CNTNAP2: variants seen among roughly 807,000 people sequenced by gnomAD.
The protein encoded by CNTNAP2 is contactin-associated protein-like 2.
CNTNAP2 carries 98 observed loss-of-function variants against 155.2 expected under a neutral mutation model. The observed-to-expected ratio is 0.63, with a 90% CI of 0.54 to 0.75. CNTNAP2 has a LOEUF of 0.75. CNTNAP2 is among the 30% of genes least tolerant of loss of function. The pLI is 0.00. For synonymous variants in CNTNAP2, 651 were observed against 631.2 expected (o/e 1.03, Z -0.47); for missense variants, 1,727 against 1,688.1 (o/e 1.02, Z -0.40).
rs534784035 is a variant in CNTNAP2, at chr7:148,085,590, G to A, written c.2384-32528G>A. Among the ~76,000 whole-genome samples, 8 of 152,240 alleles carry A rather than the reference G, an allele frequency of 5.3e-5. No individual in the cohort carries two copies. The South Asian group carries it at 1.2e-3, about 24-fold the overall frequency. ...ATTATTAGTTAGTACCGTGATTTCT[G>A]AACTTTTAATCAAATTTTCATTCAT... is the stretch of plus-strand genomic sequence containing the variant. On this transcript the variant is annotated intron_variant, in intron 15 of 23. Coordinates refer to ENST00000361727, the MANE Select transcript of CNTNAP2 (RefSeq NM_014141.6).
intron 9 of CNTNAP2, among the ~76,000 whole-genome samples, chr7:147,360,489 T>C (rs1048571055): frequency 6.6e-6 from 1 of 152,204 alleles, no homozygotes; most frequent in African/African-American, 2.4e-5. Context: ...TCAATATTTA[T>C]TGTGCATCTG....
chr7:147,213,571 CA>C (rs5888241), intron 8 of CNTNAP2, among the ~76,000 whole-genome samples: 17,851 of 139,852 alleles, frequency 0.13, 1,118 homozygotes, highest in African/African-American at 0.17. Context: ...GCCCTCATCG[CA>C]AAAAAAAAAA....
Position 146,502,224 on chromosome 7 carries a change from AATATATATATATATATATATAT to A in CNTNAP2, c.98-272032_98-272011del, listed in dbSNP as rs59759183. 6.4e-4 allele frequency among the ~76,000 whole-genome samples: 61 copies of A among 94,810 alleles called. 1 individual carries two copies. The highest frequency in any genetic ancestry group is 2.2e-3 in the African/African-American group (50 of 22,742). 62.2% of individuals were successfully genotyped at this position (94,810 alleles called of 152,430 possible). On this transcript the variant is annotated intron_variant, in intron 1 of 23. Transcript: ENST00000361727. ...ATTCCATTGTGTGTGTATATATATG[AATATATATATATATATATATAT>A]ATATATATATATATGTCATATTTTC... is the stretch of plus-strand genomic sequence containing the variant.
At chr7:147,643,680 T>G (rs990812520) in intron 13 of CNTNAP2, among the ~76,000 whole-genome samples, 3 of 152,200 alleles carry the variant, frequency 2.0e-5, no homozygotes, top group African/African-American at 7.2e-5. Context: ...ATATTCATTA[T>G]AGTGATTGCA....
chr7:148,000,012 G>A (rs1198594811), intron 15 of CNTNAP2, among the ~76,000 whole-genome samples: 1 of 152,172 alleles, frequency 6.6e-6, no homozygotes, highest in African/African-American at 2.4e-5. Context: ...AGTAGCCTGA[G>A]GAGCCTAATA....
chr7:147,189,606 C>A (rs1802637173), intron 8 of CNTNAP2, among the ~76,000 whole-genome samples: 1 of 152,128 alleles, frequency 6.6e-6, no homozygotes, highest in African/African-American at 2.4e-5. Flanking sequence ...CATCTGTATG[C>A]ATACATTTAT....
intron 13 of CNTNAP2, among the ~76,000 whole-genome samples, chr7:147,882,118 A>C (rs569302112): frequency 1.3e-5 from 2 of 152,226 alleles, no homozygotes; most frequent in East Asian, 3.9e-4. Flanking sequence ...ATATAATCCA[A>C]TTAGGTCACT....
chr7:147,154,483 T>G (rs2116439174), intron 8 of CNTNAP2, among the ~76,000 whole-genome samples: 1 of 152,340 alleles, frequency 6.6e-6, no homozygotes, highest in South Asian at 2.1e-4. Flanking sequence ...ATTTTAAACT[T>G]ACTTGTTTAT....
At chr7:146,901,756 A>G (rs1371320254) in intron 3 of CNTNAP2, among the ~76,000 whole-genome samples, 2 of 152,062 alleles carry the variant, frequency 1.3e-5, no homozygotes, top group Non-Finnish European at 2.9e-5. Flanking sequence ...TCTGAAAAAA[A>G]TTATTTTTGC....
rs139520948 is a variant in CNTNAP2, at chr7:147,196,597, C to T, written c.1348+64088C>T. Among the ~76,000 whole-genome samples, 378 of 152,274 alleles carry T rather than the reference C, an allele frequency of 2.5e-3. 1 individual carries two copies. The highest frequency in any genetic ancestry group is 8.7e-3 in the African/African-American group (360 of 41,542). The stretch of plus-strand genomic sequence containing the variant: ...TTCTTGAGTGAAGAGTGCAAACATG[C>T]ATCCCTGCCTGAACACAAAGGAATA... On this transcript the variant is annotated intron_variant, in intron 8 of 23. Coordinates refer to ENST00000361727, the MANE Select transcript of CNTNAP2 (RefSeq NM_014141.6).
At position 146,121,119 on chromosome 7, in the gene CNTNAP2, CTTTTTTTT is replaced by C. The variant is rs745449281; in HGVS notation, c.97+4166_97+4173del. The stretch of plus-strand genomic sequence containing the variant: ...TGTCTTAAAGTTTACATAAAGCTTC[CTTTTTTTT>C]TTTTTTTTTTTTTTTTTTTGAGACG... On this transcript the variant is annotated intron_variant, in intron 1 of 23. Coordinates refer to ENST00000361727, the MANE Select transcript of CNTNAP2 (RefSeq NM_014141.6). 8.2e-4 allele frequency among the ~76,000 whole-genome samples: 54 copies of C among 65,780 alleles called. No homozygotes were observed. The East Asian group carries it at 0.014, about 17-fold the overall frequency. 43.2% of individuals were successfully genotyped at this position (65,780 alleles called of 152,430 possible). A position where few individuals can be genotyped will look rare whatever the true frequency, so the allele number is the denominator to read the frequency against.
intron 12 of CNTNAP2, among the ~76,000 whole-genome samples, chr7:147,584,487 C>T (rs940858737): frequency 3.3e-5 from 5 of 152,128 alleles, no homozygotes; most frequent in African/African-American, 1.2e-4. Flanking sequence ...GTAATATTTT[C>T]AAATTCTGTC....
intron 13 of CNTNAP2, among the ~76,000 whole-genome samples, chr7:147,861,948 G>A (rs6954613): frequency 0.6 from 88,409 of 146,754 alleles, 26,675 homozygotes; most frequent in Middle Eastern, 0.7. Context: ...CAGTGAGCCA[G>A]GATCGTGCCA....
chr7:146,969,615 C>T (rs531515081), intron 3 of CNTNAP2, among the ~76,000 whole-genome samples: 1 of 150,176 alleles, frequency 6.7e-6, no homozygotes, highest in African/African-American at 2.4e-5. Flanking sequence ...TCTGTTTTAT[C>T]AGAGACTAGG....
chr7:147,276,441 TTAAA>T (rs1368957354), intron 8 of CNTNAP2, among the ~76,000 whole-genome samples: 3 of 152,092 alleles, frequency 2.0e-5, no homozygotes, highest in African/African-American at 4.8e-5. Context: ...GTAAGTTGAA[TTAAA>T]TAGTTTCTCT....
intron 14 of CNTNAP2, among the ~76,000 whole-genome samples, chr7:147,954,495 G>T (rs1368193280): frequency 6.6e-6 from 1 of 151,930 alleles, no homozygotes. Flanking sequence ...ACTGAAAGAT[G>T]ATGACATAAA....
intron 4 of CNTNAP2, among the ~76,000 whole-genome samples, chr7:147,088,910 A>G (rs1365654024): frequency 7.9e-5 from 12 of 152,046 alleles, no homozygotes; most frequent in Admixed American, 7.2e-4. Flanking sequence ...TACCACTTCA[A>G]TCCAGCCTGG....
intron 8 of CNTNAP2, among the ~76,000 whole-genome samples, chr7:147,163,890 A>G (rs1433731654): frequency 6.6e-6 from 1 of 152,182 alleles, no homozygotes; most frequent in African/African-American, 2.4e-5. Context: ...ATTCACTTGT[A>G]TAAGATTGAA....
chr7:146,117,408 C>T (rs1264806038), intron 1 of CNTNAP2: 2 of 159,460 alleles, frequency 1.3e-5, no homozygotes, highest in Non-Finnish European at 2.8e-5. Context: ...ACAAGAGGAG[C>T]ATGTTTTAAA....
Sources: gnomAD v4.1 joint callset for allele counts (sites outside exome capture counted in the v4.1 genomes callset) on GRCh38, gnomAD v4.1.1 for gene constraint, MANE v1.5 for transcripts, NCBI Gene and HGNC (gene_info 2026-07-23, HGNC 2026-07-21) for gene names.